The following LNX2 variants were observed in gnomAD, a reference collection of about 807,000 sequenced individuals.
LNX2 encodes the protein ligand of Numb protein X 2.
Under a neutral mutation model 66.2 loss-of-function variants are expected in LNX2, and 35 were observed. That is an observed-to-expected ratio of 0.53 (90% CI 0.40 to 0.70). The LOEUF is 0.70. Ranked by LOEUF, LNX2 falls within the 30% of genes least tolerant of loss-of-function variation. The pLI is 0.00. For missense variants in LNX2, 791 were observed against 850.8 expected (o/e 0.93, Z 0.87); for synonymous variants, 337 against 315.6 (o/e 1.07, Z -0.72).
chr13:27,557,553 T>C (rs1955078147), intron 6 of LNX2, among the ~76,000 whole-genome samples: 1 of 152,090 alleles, frequency 6.6e-6, no homozygotes, highest in South Asian at 2.1e-4. Context: ...ATGTTGTAGA[T>C]AATTAAAATT....
At chr13:27,613,494 G>A (rs931955991) in intron 1 of LNX2, among the ~76,000 whole-genome samples, 1 of 152,162 alleles carries the variant, frequency 6.6e-6, no homozygotes, top group Admixed American at 6.5e-5. Context: ...GAAGCAGGCC[G>A]GGCGTGGTGG....
rs375129921 is a variant in LNX2, at chr13:27,583,247, T to A, written c.-100-1444A>T. Among the ~76,000 whole-genome samples, 12 of 44,292 alleles carry A rather than the reference T, an allele frequency of 2.7e-4. 2 individuals are homozygous for A. The highest frequency in any genetic ancestry group is 1.2e-3 in the Admixed American group (6 of 4,846). The allele number at this position is 44,292 out of a possible 152,430, so 29.1% of individuals were successfully genotyped here. On this transcript the variant is annotated intron_variant, in intron 1 of 9. Transcript: ENST00000316334. ...GTGTGTGTGTGTGTGTGTGTGTGTG[T>A]GTGTGTGTGCGCGCGTCCTCTCCAA...
intron 1 of LNX2, among the ~76,000 whole-genome samples, chr13:27,589,200 G>A (rs747483380): frequency 1.3e-5 from 2 of 152,144 alleles, no homozygotes; most frequent in Non-Finnish European, 1.5e-5. Flanking sequence ...TGTCTTTCCC[G>A]GAATAAAGTT....
chr13:27,595,490 C>T (rs1955587628), intron 1 of LNX2, among the ~76,000 whole-genome samples: 1 of 152,198 alleles, frequency 6.6e-6, no homozygotes, highest in Non-Finnish European at 1.5e-5. Flanking sequence ...AATGTGTCAA[C>T]TTTTACCTGC....
rs181528887 is a variant in LNX2 at position 27,558,603 on chromosome 13, T to C, written c.1368+1239A>G. Among the ~76,000 whole-genome samples the C allele has an allele frequency of 3.2e-4, 49 of 152,190 alleles. No individual in the cohort carries two copies. In the East Asian group the frequency reaches 8.5e-3, roughly 26 times the overall value. On this transcript the variant is annotated intron_variant, in intron 6 of 9. Transcript: ENST00000316334. ...TTGTACCTTATATTATAGTTTTATA[T>C]GTATAAAAAACTTGTAAAGCAAGGA...
chr13:27,548,143 C>A lies in LNX2; in HGVS notation c.*192G>T, dbSNP rs922306786. On this transcript the variant is annotated 3_prime_UTR_variant, in exon 10 of 10. Coordinates refer to ENST00000316334, the MANE Select transcript of LNX2 (RefSeq NM_153371.4). ...CACAAAGGTTAGTGGAAGACTGTTT[C>A]CAAGCTAAAAGAAATGTAACTAACT... The A allele has an allele frequency of 1.8e-6, 1 of 554,416 alleles. No homozygotes were observed. Among genetic ancestry groups the A allele is most frequent in the Non-Finnish European group, 3.2e-6 (1 of 315,500 alleles). 34.3% of individuals were successfully genotyped at this position (554,416 alleles called of 1,614,324 possible). A position where few individuals can be genotyped will look rare whatever the true frequency, so the allele number is the denominator to read the frequency against.
chr13:27,591,011 TAC>T (rs1041957303), intron 1 of LNX2, among the ~76,000 whole-genome samples: 2 of 152,132 alleles, frequency 1.3e-5, no homozygotes, highest in African/African-American at 4.8e-5. Flanking sequence ...TATGTGTGTG[TAC>T]ACACACACAT....
intron 8 of LNX2, among the ~76,000 whole-genome samples, chr13:27,550,864 A>G (rs1015134615): frequency 1.3e-5 from 2 of 152,192 alleles, no homozygotes; most frequent in Admixed American, 1.3e-4. Flanking sequence ...TACAAGAGGA[A>G]TTACAATGTG....
chr13:27,561,128 A>C (rs746551104), intron 5 of LNX2, among the ~76,000 whole-genome samples: 1 of 152,232 alleles, frequency 6.6e-6, no homozygotes, highest in Non-Finnish European at 1.5e-5. Flanking sequence ...ATAACATCCA[A>C]ATATAAAATA....
chr13:27,600,408 G>A (rs1050208150), intron 1 of LNX2, among the ~76,000 whole-genome samples: 17 of 152,064 alleles, frequency 1.1e-4, no homozygotes, highest in African/African-American at 3.6e-4. Context: ...GGAGTAAGTC[G>A]TTTCCTCAAA....
intron 1 of LNX2, among the ~76,000 whole-genome samples, chr13:27,588,390 CAGA>C (rs1214019375): frequency 2.6e-5 from 4 of 152,126 alleles, no homozygotes; most frequent in Non-Finnish European, 4.4e-5. Flanking sequence ...TATGAATCTC[CAGA>C]AGATTATGAG....
chr13:27,560,899 A>T (rs1955128058), intron 5 of LNX2, among the ~76,000 whole-genome samples: 1 of 152,174 alleles, frequency 6.6e-6, no homozygotes, highest in African/African-American at 2.4e-5. Context: ...TTAAGAAATC[A>T]CTTTATTTTC....
chr13:27,549,171 T>C (rs1954977626), intron 9 of LNX2, among the ~76,000 whole-genome samples: 1 of 152,218 alleles, frequency 6.6e-6, no homozygotes, highest in African/African-American at 2.4e-5. Flanking sequence ...TGATTTTTTT[T>C]CATCTTTATC....
At chr13:27,592,804 C>T (rs115943307) in intron 1 of LNX2, among the ~76,000 whole-genome samples, 2 of 151,938 alleles carry the variant, frequency 1.3e-5, no homozygotes, top group African/African-American at 2.4e-5. Flanking sequence ...AAAAGTGTTC[C>T]GAGGAAGAAG....
chr13:27,568,170 T>C (rs570258839), intron 3 of LNX2, among the ~76,000 whole-genome samples: 48 of 152,216 alleles, frequency 3.2e-4, no homozygotes, highest in Admixed American at 8.5e-4. Context: ...CAACTGTACA[T>C]AATGAGAGGC....
In LNX2 at chr13:27,620,424, TC is replaced by T. The variant is rs1253427739; in HGVS notation, c.-151del. 2.0e-5 allele frequency: 3 copies of T among 152,062 alleles called. No homozygotes were observed. Among genetic ancestry groups the T allele is most frequent in the African/African-American group, 7.4e-5 (3 of 40,414 alleles). The allele number at this position is 152,062 out of a possible 1,614,324, so 9.4% of individuals were successfully genotyped here. ...GCGCACGGGCTCCTGGCGCCGCTGC[TC>T]GGCACCAGCTCCCGCTCTCCGCGGC... On this transcript the variant is annotated 5_prime_UTR_variant, in exon 1 of 10. Transcript: ENST00000316334.
At chr13:27,557,101 C>T (rs1166627428) in intron 6 of LNX2, among the ~76,000 whole-genome samples, 1 of 152,042 alleles carries the variant, frequency 6.6e-6, no homozygotes, top group African/African-American at 2.4e-5. Context: ...GAATTTAAAA[C>T]ATCACTTTTC....
At chr13:27,616,711 A>G (rs1955831253) in intron 1 of LNX2, among the ~76,000 whole-genome samples, 1 of 152,270 alleles carries the variant, frequency 6.6e-6, no homozygotes, top group African/African-American at 2.4e-5. Flanking sequence ...TACTAACTAG[A>G]GGACAATTTA....
intron 1 of LNX2, among the ~76,000 whole-genome samples, chr13:27,615,912 G>T (rs1055369571): frequency 6.6e-6 from 1 of 152,026 alleles, no homozygotes; most frequent in Admixed American, 6.6e-5. Flanking sequence ...AGCCAATTTG[G>T]ATCCAATTTG....
Sources: gnomAD v4.1 joint callset for allele counts (sites outside exome capture counted in the v4.1 genomes callset) on GRCh38, gnomAD v4.1.1 for gene constraint, MANE v1.5 for transcripts, NCBI Gene and HGNC (gene_info 2026-07-23, HGNC 2026-07-21) for gene names.